Variants in SRPK1 observed in about 807,000 individuals in gnomAD.
SRPK1 encodes SFRS protein kinase 1.
A neutral mutation model predicts 89.5 loss-of-function variants in SRPK1; 52 were observed. That is an observed-to-expected ratio of 0.58 (90% CI 0.46 to 0.73). The LOEUF (loss-of-function observed/expected upper bound fraction) is 0.73. Among genes scored for constraint, SRPK1 ranks in the 30% least tolerant of loss-of-function variants. The pLI is 0.00. For missense variants in SRPK1, 603 were observed against 780.6 expected (o/e 0.77, Z 2.71); for synonymous variants, 255 against 270.2 (o/e 0.94, Z 0.55).
chr6:35,886,652 C>T (rs1770415011), intron 6 of SRPK1, 72 bp downstream of exon 6: 2 of 916,022 alleles, frequency 2.2e-6, no homozygotes, highest in Non-Finnish European at 3.5e-6. Context: ...CCAAGGCCAT[C>T]TACACAACAA....
At chr6:35,877,660 G>A (rs1770182928) in intron 6 of SRPK1, among the ~76,000 whole-genome samples, 1 of 152,026 alleles carries the variant, frequency 6.6e-6, no homozygotes, top group Non-Finnish European at 1.5e-5. Context: ...GACCAATATG[G>A]TGAAACTCCA....
intron 14 of SRPK1, among the ~76,000 whole-genome samples, chr6:35,839,174 C>G (rs1769247906): frequency 6.6e-6 from 1 of 152,218 alleles, no homozygotes; most frequent in Admixed American, 6.5e-5. Context: ...TGCCACCACA[C>G]CTGGCTGACT....
At chr6:35,847,196 G>C (rs1769443490) in intron 13 of SRPK1, among the ~76,000 whole-genome samples, 1 of 152,328 alleles carries the variant, frequency 6.6e-6, no homozygotes, top group South Asian at 2.1e-4. Flanking sequence ...ACAAATGTCA[G>C]TTAGCTGATA....
intron 6 of SRPK1, 91 bp downstream of exon 6, chr6:35,886,633 G>T: frequency 1.3e-6 from 1 of 759,836 alleles, no homozygotes; most frequent in Non-Finnish European, 2.3e-6. Context: ...GTTTGCCTTA[G>T]AAAAGACACC....
chr6:35,910,959 C>T (rs1475926227), intron 2 of SRPK1, among the ~76,000 whole-genome samples: 2 of 152,228 alleles, frequency 1.3e-5, no homozygotes, highest in Non-Finnish European at 2.9e-5. Context: ...TACCTAGTCA[C>T]CCAAGAGCTC....
chr6:35,878,255 A>C (rs73404069), intron 6 of SRPK1, among the ~76,000 whole-genome samples: 2,932 of 152,338 alleles, frequency 0.019, 65 homozygotes, highest in African/African-American at 0.066. Context: ...TTCTAGATTT[A>C]AGACAGGAAA....
intron 1 of SRPK1, 104 bp downstream of exon 1, chr6:35,920,940 G>T: frequency 7.7e-7 from 1 of 1,293,734 alleles, no homozygotes; most frequent in Non-Finnish European, 1.0e-6. Flanking sequence ...GGCGCCGCAC[G>T]TCCGGGAACC....
intron 2 of SRPK1, among the ~76,000 whole-genome samples, chr6:35,900,455 G>C (rs542075045): frequency 6.6e-6 from 1 of 152,332 alleles, no homozygotes; most frequent in South Asian, 2.1e-4. Flanking sequence ...TGGGAATGCA[G>C]CTGTGAGCAA....
chr6:35,838,453 A>AG (rs759956437), intron 14 of SRPK1, 24 bp from the exon 15 acceptor site: 9 of 1,547,626 alleles, frequency 5.8e-6, no homozygotes, highest in Non-Finnish European at 6.9e-6. Flanking sequence ...ACATTTCAAG[A>AG]GGGGGGAAAA....
In SRPK1 at chr6:35,857,491, G is replaced by A. The variant is rs1185015696; in HGVS notation, c.1513-123C>T. On this transcript the variant is annotated intron_variant, in intron 12 of 15. Coordinates refer to ENST00000373825, the MANE Select transcript of SRPK1 (RefSeq NM_003137.5). ...TTTCCCAAACCAAAGTTCTCACTTT[G>A]CTTATTTCTTAAACAGCATTTTTAT... is the stretch of plus-strand genomic sequence containing the variant. The A allele has an allele frequency of 4.0e-6, 3 of 750,972 alleles. No individual in the cohort carries two copies. In the Admixed American group the frequency reaches 7.6e-5, roughly 19 times the overall value. The allele number at this position is 750,972 out of a possible 1,614,324, so 46.5% of individuals were successfully genotyped here.
intron 2 of SRPK1, among the ~76,000 whole-genome samples, chr6:35,896,870 C>G (rs1005233329): frequency 6.6e-6 from 1 of 152,140 alleles, no homozygotes; most frequent in Non-Finnish European, 1.5e-5. Flanking sequence ...ATTCATATAT[C>G]TATACATAAA....
intron 13 of SRPK1, among the ~76,000 whole-genome samples, chr6:35,851,179 A>ATT (rs11368828): frequency 4.7e-5 from 7 of 148,632 alleles, no homozygotes; most frequent in African/African-American, 1.5e-4. Context: ...TTGGTATTGG[A>ATT]TTTTTTTTTT....
chr6:35,882,880 G>A (rs1361631405), intron 6 of SRPK1, among the ~76,000 whole-genome samples: 1 of 151,632 alleles, frequency 6.6e-6, no homozygotes, highest in Admixed American at 6.6e-5. Context: ...ATGATCTCAG[G>A]TCACTGCAAC....
intron 13 of SRPK1, among the ~76,000 whole-genome samples, chr6:35,850,204 A>C (rs1235336635): frequency 6.6e-6 from 1 of 152,244 alleles, no homozygotes; most frequent in Admixed American, 6.5e-5. Flanking sequence ...TTAATTGCTC[A>C]AATCATGAAG....
At chr6:35,886,509 T>C (rs926486833) in intron 6 of SRPK1, among the ~76,000 whole-genome samples, 2 of 152,144 alleles carry the variant, frequency 1.3e-5, no homozygotes, top group Non-Finnish European at 2.9e-5. Flanking sequence ...TTAATTTGCC[T>C]GAAAAGAGGA....
At chr6:35,841,709 G>A (rs1181102720) in intron 14 of SRPK1, among the ~76,000 whole-genome samples, 3 of 151,860 alleles carry the variant, frequency 2.0e-5, no homozygotes, top group Non-Finnish European at 2.9e-5. Context: ...GCACAAGCCC[G>A]TAGTCCCAGC....
At chr6:35,837,860 A>C (rs1182836013) in intron 15 of SRPK1, among the ~76,000 whole-genome samples, 3 of 148,076 alleles carry the variant, frequency 2.0e-5, no homozygotes, top group African/African-American at 7.5e-5. Context: ...GCCTGGCTCC[A>C]GTCTCTGCTT....
chr6:35,838,822 C>T, intron 14 of SRPK1: 1 of 1,368,160 alleles, frequency 7.3e-7, no homozygotes, highest in Non-Finnish European at 9.8e-7. Flanking sequence ...GTAAGAAGAA[C>T]AGATCAAGGA....
chr6:35,886,227 C>G (rs1770406905), intron 6 of SRPK1, among the ~76,000 whole-genome samples: 1 of 151,908 alleles, frequency 6.6e-6, no homozygotes, highest in Non-Finnish European at 1.5e-5. Flanking sequence ...ATTACAGGAG[C>G]CTGCCACCAT....
Sources: allele counts gnomAD v4.1 joint callset (sites outside exome capture counted in the v4.1 genomes callset), GRCh38; gene constraint gnomAD v4.1.1; transcripts MANE v1.5; gene names NCBI Gene and HGNC (gene_info 2026-07-23, HGNC 2026-07-21).